The following CCDC88C variants were observed in gnomAD, a reference collection of about 807,000 sequenced individuals.
CCDC88C encodes protein Daple.
A neutral mutation model predicts 198.8 loss-of-function variants in CCDC88C; 131 were observed. The observed-to-expected ratio is 0.66, with a 90% CI of 0.57 to 0.76. The LOEUF is 0.76. Among genes scored for constraint, CCDC88C ranks in the 30% least tolerant of loss-of-function variants. The probability of loss-of-function intolerance (pLI) is 0.00; values close to 1 mark genes in which losing one functional copy is unlikely to be tolerated. For synonymous variants in CCDC88C, 1,166 were observed against 1,114.7 expected, an observed-to-expected ratio of 1.05 and a Z score of -0.92; for missense variants, 2,553 against 2,631.6, an observed-to-expected ratio of 0.97 and a Z score of 0.65.
chr14:91,300,047 T>C lies in CCDC88C; in HGVS notation c.3659A>G (p.Lys1220Arg), dbSNP rs564269383. ...GERHGDMLKR[K>R]AELEEREKVL... ...CTTCTCCCGCTCCTCCAGCTCCGCC[T>C]TGCGCTTCAGCATGTCACCGTGCCT... Residue 1220 changes from lysine (K) to arginine (R), a missense_variant, in exon 21 of 30, where the codon AAG becomes AGG. Transcript: ENST00000389857. The C allele has an allele frequency of 1.9e-6, 3 of 1,608,058 alleles. No homozygotes were observed. Among genetic ancestry groups the C allele is most frequent in the Admixed American group, 3.4e-5 (2 of 59,354 alleles).
chr14:91,324,542 G>A (rs1167236345), intron 12 of CCDC88C, among the ~76,000 whole-genome samples: 2 of 152,220 alleles, frequency 1.3e-5, no homozygotes, highest in Admixed American at 6.5e-5. Context: ...ATGGGAATTC[G>A]GAAAACTGGC....
At chr14:91,384,621 G>A (rs796171467) in intron 3 of CCDC88C, 29 of 400,536 alleles carry the variant, frequency 7.2e-5, no homozygotes, top group African/African-American at 5.4e-4. Context: ...TGCACACTAC[G>A]CACTGGCACC....
At chr14:91,307,554 G>C (rs573690427) in intron 17 of CCDC88C, among the ~76,000 whole-genome samples, 1 of 152,368 alleles carries the variant, frequency 6.6e-6, no homozygotes, top group South Asian at 2.1e-4. Flanking sequence ...TGAGGATACA[G>C]GAGGTGAACA....
intron 3 of CCDC88C, among the ~76,000 whole-genome samples, chr14:91,386,609 G>A (rs1413203508): frequency 1.3e-5 from 2 of 152,238 alleles, no homozygotes; most frequent in African/African-American, 2.4e-5. Flanking sequence ...TCTGGAAGCT[G>A]ACAGTCTCCA....
At chr14:91,290,699 G>T (rs1307260923) in intron 24 of CCDC88C, among the ~76,000 whole-genome samples, 1 of 152,222 alleles carries the variant, frequency 6.6e-6, no homozygotes, top group Non-Finnish European at 1.5e-5. Flanking sequence ...TGACAAGGCA[G>T]CCCCGCCATC....
chr14:91,409,027 T>C (rs1451909133), intron 2 of CCDC88C, among the ~76,000 whole-genome samples: 1 of 152,048 alleles, frequency 6.6e-6, no homozygotes, highest in Non-Finnish European at 1.5e-5. Context: ...TTCCCACCGT[T>C]CCTAGCACCC....
chr14:91,328,046 T>C (rs1292904104), intron 10 of CCDC88C, among the ~76,000 whole-genome samples: 1 of 152,170 alleles, frequency 6.6e-6, no homozygotes, highest in Admixed American at 6.5e-5. Context: ...GCAGGACTGT[T>C]GTGCTTTTGC....
intron 3 of CCDC88C, among the ~76,000 whole-genome samples, chr14:91,383,424 G>A (rs1028889280): frequency 2.6e-5 from 4 of 152,142 alleles, no homozygotes; most frequent in African/African-American, 9.7e-5. Context: ...CTCCTCCCCA[G>A]CACCAAGGAA....
chr14:91,353,843 A>AT (rs1181330368), intron 4 of CCDC88C, among the ~76,000 whole-genome samples: 1 of 152,250 alleles, frequency 6.6e-6, no homozygotes, highest in Non-Finnish European at 1.5e-5. Context: ...TTCCAGGGGC[A>AT]TTCAGACAGG....
chr14:91,400,863 G>A (rs556711914), intron 3 of CCDC88C, among the ~76,000 whole-genome samples: 1 of 152,258 alleles, frequency 6.6e-6, no homozygotes, highest in African/African-American at 2.4e-5. Flanking sequence ...CATGTCCTTT[G>A]ACCTAGGAAC....
rs145317357 is a variant in CCDC88C, at chr14:91,275,101, T to A, written c.5059-1448A>T. On this transcript the variant is annotated intron_variant, in intron 29 of 29. Transcript: ENST00000389857. ...CTGTGTACATTAGGGGCCTTGTGTG[T>A]CAGGGGTACCAGGAGGGAAGTCAGG... 1.1e-4 allele frequency among the ~76,000 whole-genome samples: 17 copies of A among 152,208 alleles called. No homozygotes were observed. In the East Asian group the frequency reaches 3.3e-3, roughly 29 times the overall value.
At chr14:91,343,561 G>T (rs1371810629) in intron 5 of CCDC88C, 38 bp downstream of exon 5, 4 of 1,612,450 alleles carry the variant, frequency 2.5e-6, no homozygotes, top group Non-Finnish European at 2.5e-6. Flanking sequence ...GAGATGGCTG[G>T]GGTAGGTCCC....
At chr14:91,331,191 A>T (rs1892810642) in intron 10 of CCDC88C, among the ~76,000 whole-genome samples, 1 of 152,160 alleles carries the variant, frequency 6.6e-6, no homozygotes, top group Non-Finnish European at 1.5e-5. Context: ...GCTTTCACAC[A>T]GGTCTGCCTT....
chr14:91,308,381 T>C lies in CCDC88C; in HGVS notation c.2976A>G (p.Leu992=), dbSNP rs1381988843. ...GCAGCTCACTCTCTAACTGGCGATT[T>C]AGGCTCGCTTTCTCTTCCATCTGTG... ...LEAQMEEKAS[L]NRQLESELQM... The change falls in exon 17 of 30, where the codon CTA becomes CTG. Residue 992 remains leucine (L), a synonymous_variant. Transcript: ENST00000389857. 1 of 1,613,964 alleles carries C rather than the reference T, an allele frequency of 6.2e-7. No individual in the cohort carries two copies. Among genetic ancestry groups the C allele is most frequent in the East Asian group, 2.2e-5 (1 of 44,898 alleles).
In CCDC88C at chr14:91,289,276, C is replaced by T; in HGVS notation, c.4270G>A (p.Glu1424Lys). Residue 1424 changes from glutamate (E) to lysine (K), a missense_variant, in exon 25 of 30, where the codon GAA (glutamate) becomes AAA (lysine). This residue lies in a region of CCDC88C where 1,293 missense variants were observed against 1,219.6 expected (regional missense o/e 1.06). Transcript: ENST00000389857. ...CTGTCCACGGTGGATTTTAAGCGTT[C>T]CCTCGAACCCTCTTTCTTTGGTTTG... ...LIKPKKEGSR[E>K]RLKSTVDSPP... 6.2e-7 allele frequency: 1 copy of T among 1,614,028 alleles called. No individual in the cohort carries two copies. The highest frequency in any genetic ancestry group is 8.5e-7 in the Non-Finnish European group (1 of 1,179,896).
At chr14:91,416,689 A>C in intron 2 of CCDC88C, 49 bp downstream of exon 2, 1 of 1,399,950 alleles carries the variant, frequency 7.1e-7, no homozygotes, top group Non-Finnish European at 1.0e-6. Flanking sequence ...CTACTCTCAA[A>C]CTTTCTAACG....
intron 12 of CCDC88C, among the ~76,000 whole-genome samples, chr14:91,322,069 A>T (rs1892378501): frequency 6.6e-6 from 1 of 151,164 alleles, no homozygotes; most frequent in South Asian, 2.1e-4. Flanking sequence ...GGGGAGGGGA[A>T]AAAAAAAGGT....
chr14:91,314,092 T>G lies in CCDC88C; in HGVS notation c.1724A>C (p.Glu575Ala). 1 of 1,613,688 alleles carries G rather than the reference T, an allele frequency of 6.2e-7. No homozygotes were observed. The highest frequency in any genetic ancestry group is 8.5e-7 in the Non-Finnish European group (1 of 1,179,836). Residue 575 changes from glutamate (E) to alanine (A), a missense_variant, in exon 15 of 30, where the codon GAG becomes GCG. Physicochemically the swap from Glu to Ala is moderately radical, Grantham distance 107 (BLOSUM62 -1). Around this residue, in one of 2 missense-constraint regions of CCDC88C, gnomAD observed 1,260 missense variants for 1,412.0 expected, o/e 0.89. Coordinates refer to ENST00000389857, the MANE Select transcript of CCDC88C (RefSeq NM_001080414.4). Reference sequence around the variant, plus strand: ...GGCCTCACTGCTGACCTGCGACCTCTCCCGCAGCGACCACATGGCTCGGTT... The same window carrying G: ...GGCCTCACTGCTGACCTGCGACCTCGCCCGCAGCGACCACATGGCTCGGTT... ...HLNRAMWSLR[E>A]RSQVSSEARM...
At chr14:91,285,783 T>C in intron 25 of CCDC88C, 1 of 1,289,170 alleles carries the variant, frequency 7.8e-7, no homozygotes, top group Non-Finnish European at 1.0e-6. Context: ...GTTGGAGACT[T>C]GTCTTTGTCC....
Sources: allele counts gnomAD v4.1 joint callset (sites outside exome capture counted in the v4.1 genomes callset), GRCh38; gene constraint gnomAD v4.1.1; regional missense constraint gnomAD v4.1.1; transcripts MANE v1.5; gene names NCBI Gene and HGNC (gene_info 2026-07-23, HGNC 2026-07-21).